Variants in DTWD2 observed in about 807,000 individuals in gnomAD.
DTWD2 encodes tRNA-uridine aminocarboxypropyltransferase 2.
A neutral mutation model predicts 31.8 loss-of-function variants in DTWD2; 39 were observed. The observed-to-expected ratio is 1.22, with a 90% CI of 0.95 to 1.60. DTWD2 has a LOEUF of 1.60. DTWD2 is among the 40% of genes most tolerant of loss of function. DTWD2 has a pLI of 0.00. For missense variants in DTWD2, 515 were observed against 381.5 expected (o/e 1.35, Z -2.92); for synonymous variants, 180 against 142.8 (o/e 1.26, Z -1.86).
chr5:118,927,621 T>C (rs980518244), intron 4 of DTWD2, among the ~76,000 whole-genome samples: 3 of 152,032 alleles, frequency 2.0e-5, no homozygotes, highest in Non-Finnish European at 4.4e-5. Flanking sequence ...TGGCAACCAA[T>C]CTGCTAACTT....
intron 3 of DTWD2, among the ~76,000 whole-genome samples, chr5:118,937,599 C>A (rs1754073741): frequency 6.6e-6 from 1 of 152,116 alleles, no homozygotes; most frequent in Non-Finnish European, 1.5e-5. Flanking sequence ...AGCTGCTGAC[C>A]ACAATAAAAC....
Position 118,836,400 on chromosome 5 carries a change from G to A in DTWD2, c.*4517C>T, listed in dbSNP as rs971959258. Among the ~76,000 whole-genome samples, 1 of 151,934 alleles carries A rather than the reference G, an allele frequency of 6.6e-6. No homozygotes were observed. Among genetic ancestry groups the A allele is most frequent in the African/African-American group, 2.4e-5 (1 of 41,354 alleles). On this transcript the variant is annotated 3_prime_UTR_variant, in exon 6 of 6. Coordinates refer to ENST00000510708, the MANE Select transcript of DTWD2 (RefSeq NM_173666.4). ...ATTACAGGTGCCTGCCACTACGCCT[G>A]GCTAATTTTTGTATTTTTAGTACAG...
chr5:118,846,131 C>G (rs935524295), intron 5 of DTWD2, among the ~76,000 whole-genome samples: 1 of 152,008 alleles, frequency 6.6e-6, no homozygotes, highest in African/African-American at 2.4e-5. Flanking sequence ...AAAATAAAGC[C>G]TGAAACATTC....
At position 118,974,237 on chromosome 5, in the gene DTWD2, C is replaced by T. The variant is rs143644393; in HGVS notation, c.218+14057G>A. The T allele has an allele frequency of 7.4e-3, 7,252 of 975,394 alleles. 293 individuals are homozygous for T. The African/African-American group carries it at 0.095, about 13-fold the overall frequency. The allele number at this position is 975,394 out of a possible 1,614,324, so 60.4% of individuals were successfully genotyped here. ...TCACCTTCGAGTAGAGAGGCCCGCC[C>T]GCCCACCGTGGACAGTGCCACCCGC... is the stretch of plus-strand genomic sequence containing the variant. On this transcript the variant is annotated intron_variant, in intron 1 of 5. Coordinates refer to ENST00000510708, the MANE Select transcript of DTWD2 (RefSeq NM_173666.4).
chr5:118,917,407 A>C (rs1488573989), intron 4 of DTWD2, among the ~76,000 whole-genome samples: 2 of 152,240 alleles, frequency 1.3e-5, no homozygotes, highest in Non-Finnish European at 1.5e-5. Flanking sequence ...CTTAGGTCAT[A>C]GTAAGGATTT....
intron 4 of DTWD2, among the ~76,000 whole-genome samples, chr5:118,926,475 G>T (rs896901900): frequency 6.6e-6 from 1 of 151,930 alleles, no homozygotes; most frequent in Non-Finnish European, 1.5e-5. Flanking sequence ...TAAAATCTCA[G>T]AATTCACCAC....
At chr5:118,928,804 C>A in intron 3 of DTWD2, 75 bp from the exon 4 acceptor site, 1 of 1,236,462 alleles carries the variant, frequency 8.1e-7, no homozygotes, top group South Asian at 2.1e-5. Context: ...ACTGAATTTC[C>A]TAATAAAAGT....
intron 1 of DTWD2, among the ~76,000 whole-genome samples, chr5:118,982,595 T>C (rs997250359): frequency 1.3e-5 from 2 of 151,868 alleles, no homozygotes; most frequent in African/African-American, 4.8e-5. Context: ...CTTTGATATA[T>C]ACAAAAATTA....
At chr5:118,931,771 A>C (rs1258625489) in intron 3 of DTWD2, among the ~76,000 whole-genome samples, 1 of 152,206 alleles carries the variant, frequency 6.6e-6, no homozygotes, top group African/African-American at 2.4e-5. Flanking sequence ...TAGTCCACCA[A>C]CAACAAAATA....
intron 1 of DTWD2, among the ~76,000 whole-genome samples, chr5:118,947,451 G>T (rs1754364669): frequency 6.6e-6 from 1 of 152,154 alleles, no homozygotes; most frequent in African/African-American, 2.4e-5. Flanking sequence ...TCCCGAGCTG[G>T]ACTCTCCGAA....
intron 3 of DTWD2, among the ~76,000 whole-genome samples, chr5:118,931,250 C>T (rs1014251493): frequency 3.9e-5 from 6 of 151,944 alleles, no homozygotes; most frequent in African/African-American, 1.5e-4. Context: ...TAAAAATCAG[C>T]CAAGCATGGT....
chr5:118,936,521 C>G (rs931929983), intron 3 of DTWD2, among the ~76,000 whole-genome samples: 1 of 151,396 alleles, frequency 6.6e-6, no homozygotes, highest in Non-Finnish European at 1.5e-5. Flanking sequence ...TTTATATGCA[C>G]GGGCCAGGCA....
intron 4 of DTWD2, among the ~76,000 whole-genome samples, chr5:118,895,859 C>A (rs1202953579): frequency 1.3e-5 from 2 of 152,144 alleles, no homozygotes; most frequent in African/African-American, 2.4e-5. Flanking sequence ...ACTATACTAC[C>A]AAGCCTCAGT....
intron 1 of DTWD2, chr5:118,988,025 A>C: frequency 1.4e-6 from 1 of 693,910 alleles, no homozygotes; most frequent in South Asian, 1.5e-5. Flanking sequence ...TTGGACGCTT[A>C]AGTTTCTTGG....
chr5:118,916,457 G>C (rs1753579422), intron 4 of DTWD2, among the ~76,000 whole-genome samples: 1 of 152,016 alleles, frequency 6.6e-6, no homozygotes, highest in Non-Finnish European at 1.5e-5. Context: ...CCTGAGGTCG[G>C]GAGTTCGAGA....
At chr5:118,849,052 G>A (rs552520252) in intron 4 of DTWD2, among the ~76,000 whole-genome samples, 2 of 152,264 alleles carry the variant, frequency 1.3e-5, no homozygotes, top group South Asian at 2.1e-4. Context: ...AAGAGCTTCT[G>A]CACAGCAAAT....
chr5:118,880,915 G>A (rs1281424460), intron 4 of DTWD2, among the ~76,000 whole-genome samples: 2 of 152,010 alleles, frequency 1.3e-5, no homozygotes, highest in African/African-American at 2.4e-5. Flanking sequence ...TTTGGAACTC[G>A]CTGAAAACCA....
chr5:118,868,764 G>C (rs954002787), intron 4 of DTWD2, among the ~76,000 whole-genome samples: 4 of 151,256 alleles, frequency 2.6e-5, no homozygotes, highest in Admixed American at 2.6e-4. Flanking sequence ...ACTTCAGCCT[G>C]GGAAGTCGAG....
At position 118,980,387 on chromosome 5, in the gene DTWD2, T is replaced by C. The variant is rs116087981; in HGVS notation, c.218+7907A>G. ...ACAAACATGAAGCTCATACTCCCTG[T>C]TGTGCCTTGAGTAATAAAGTCCTTT... On this transcript the variant is annotated intron_variant, in intron 1 of 5. Transcript: ENST00000510708. 1.3e-3 allele frequency among the ~76,000 whole-genome samples: 203 copies of C among 152,350 alleles called. 1 individual carries two copies. The highest frequency in any genetic ancestry group is 4.5e-3 in the African/African-American group (189 of 41,574).
Sources: allele counts gnomAD v4.1 joint callset (sites outside exome capture counted in the v4.1 genomes callset), GRCh38; gene constraint gnomAD v4.1.1; transcripts MANE v1.5; gene names NCBI Gene and HGNC (gene_info 2026-07-23, HGNC 2026-07-21).